CCDC12: variants seen among roughly 807,000 people sequenced by gnomAD.
CCDC12 encodes the protein coiled-coil domain-containing protein 12.
Under a neutral mutation model 25.7 loss-of-function variants are expected in CCDC12, and 28 were observed. The observed-to-expected ratio is 1.09, with a 90% CI of 0.81 to 1.50. CCDC12 has a LOEUF of 1.50. Among genes scored for constraint, CCDC12 ranks in the 40% most tolerant of loss-of-function variants. CCDC12 has a pLI of 0.00. For synonymous variants in CCDC12, 75 were observed against 87.7 expected, an observed-to-expected ratio of 0.86 and a Z score of 0.81; for missense variants, 198 against 210.0, an observed-to-expected ratio of 0.94 and a Z score of 0.35.
At chr3:46,962,845 C>G (rs2034504867) in intron 1 of CCDC12, among the ~76,000 whole-genome samples, 1 of 152,166 alleles carries the variant, frequency 6.6e-6, no homozygotes, top group Non-Finnish European at 1.5e-5. Flanking sequence ...TACGGCCTAG[C>G]AATTCCACTC....
intron 2 of CCDC12, 79 bp from the exon 3 acceptor site, chr3:46,925,614 AG>A: frequency 1.7e-6 from 2 of 1,207,360 alleles, no homozygotes; most frequent in Non-Finnish European, 2.3e-6. Context: ...CAATTTGCAT[AG>A]CCCGTGAATT....
At chr3:46,976,829 A>G, upstream of CCDC12, 2 of 1,525,506 alleles carry the variant, frequency 1.3e-6, no homozygotes, top group Non-Finnish European at 1.8e-6. Context: ...GACGAGAATG[A>G]GAGACTGGGA....
At chr3:46,954,472 A>T (rs1355806638) in intron 1 of CCDC12, among the ~76,000 whole-genome samples, 3 of 152,188 alleles carry the variant, frequency 2.0e-5, no homozygotes, top group Non-Finnish European at 4.4e-5. Context: ...TCAATTCTGG[A>T]TCCCCTAAAA....
At chr3:46,973,714 G>A (rs1575567275) in intron 1 of CCDC12, among the ~76,000 whole-genome samples, 1 of 148,274 alleles carries the variant, frequency 6.7e-6, no homozygotes, top group Non-Finnish European at 1.5e-5. Flanking sequence ...CCAGGTTCAC[G>A]TCATTCTCCT....
At chr3:46,973,463 C>T (rs546474012) in intron 1 of CCDC12, among the ~76,000 whole-genome samples, 18 of 150,476 alleles carry the variant, frequency 1.2e-4, no homozygotes, top group African/African-American at 4.4e-4. Context: ...CCATTGCATT[C>T]CAGCCTGGGC....
chr3:46,929,047 A>G (rs2033098123), intron 2 of CCDC12, among the ~76,000 whole-genome samples: 1 of 152,252 alleles, frequency 6.6e-6, no homozygotes, highest in Non-Finnish European at 1.5e-5. Flanking sequence ...TAAAAGAGTA[A>G]TAACAACTTA....
Position 46,922,038 on chromosome 3 carries a change from TGGTGGGGCAGGGCATG to T in CCDC12, c.*3_*18del. On this transcript the variant is annotated 3_prime_UTR_variant, in exon 7 of 7. Coordinates refer to ENST00000683445, the MANE Select transcript of CCDC12 (RefSeq NM_001277074.2). The stretch of plus-strand genomic sequence containing the variant: ...CTGCAGGACAGGCCTGATGGGCGAG[TGGTGGGGCAGGGCATG>T]CCTCAGTCGGAGTCACAGGTCTTTT... 6.2e-7 allele frequency: 1 copy of T among 1,612,626 alleles called. No individual in the cohort carries two copies. Among genetic ancestry groups the T allele is most frequent in the Non-Finnish European group, 8.5e-7 (1 of 1,179,582 alleles).
At chr3:46,972,129 AAC>A (rs1216384700) in intron 1 of CCDC12, among the ~76,000 whole-genome samples, 2 of 152,168 alleles carry the variant, frequency 1.3e-5, no homozygotes, top group African/African-American at 4.8e-5. Context: ...CAAAATCAAA[AAC>A]AGATAAATTG....
chr3:46,922,167 G>T (rs1215142001), intron 6 of CCDC12, 28 bp from the exon 7 acceptor site: 1 of 1,614,152 alleles, frequency 6.2e-7, no homozygotes, highest in Non-Finnish European at 8.5e-7. Flanking sequence ...CAGAAGGGGT[G>T]GGGAGGGGCC....
intron 1 of CCDC12, among the ~76,000 whole-genome samples, chr3:46,974,220 G>A (rs1466546260): frequency 6.6e-6 from 1 of 152,164 alleles, no homozygotes; most frequent in Non-Finnish European, 1.5e-5. Context: ...TGTTTAACGG[G>A]TACAGAGTTT....
At chr3:46,951,831 A>T (rs1458785997) in intron 1 of CCDC12, among the ~76,000 whole-genome samples, 7 of 114,350 alleles carry the variant, frequency 6.1e-5, no homozygotes, top group African/African-American at 2.3e-4. Context: ...ATACTTAATG[A>T]GGATCAAATT....
intron 2 of CCDC12, among the ~76,000 whole-genome samples, chr3:46,934,247 C>T (rs1194985057): frequency 6.6e-6 from 1 of 152,254 alleles, no homozygotes; most frequent in Non-Finnish European, 1.5e-5. Context: ...GCCCCTCACC[C>T]TCCCAGGGCC....
intron 1 of CCDC12, among the ~76,000 whole-genome samples, chr3:46,957,306 C>T (rs1392011381): frequency 2.6e-5 from 4 of 152,114 alleles, no homozygotes; most frequent in Non-Finnish European, 4.4e-5. Flanking sequence ...ATCTAGTACT[C>T]GAAGGCAGTA....
At position 46,957,996 on chromosome 3, in the gene CCDC12, C is replaced by CACACATAT. The variant is rs113627328; in HGVS notation, c.97-16932_97-16931insATATGTGT. On this transcript the variant is annotated intron_variant, in intron 1 of 6. Coordinates refer to ENST00000683445, the MANE Select transcript of CCDC12 (RefSeq NM_001277074.2). ...ACACACACACACACACACACACACA[C>CACACATAT]ATATATATGTAAAGCTAATAGAACC... Among the ~76,000 whole-genome samples the CACACATAT allele has an allele frequency of 1.8e-4, 25 of 142,680 alleles. 1 individual carries two copies. Among genetic ancestry groups the CACACATAT allele is most frequent in the East Asian group, 6.3e-4 (3 of 4,782 alleles). The allele number at this position is 142,680 out of a possible 152,430, so 93.6% of individuals were successfully genotyped here.
chr3:46,963,499 A>G (rs1270554444), intron 1 of CCDC12, among the ~76,000 whole-genome samples: 2 of 151,952 alleles, frequency 1.3e-5, no homozygotes, highest in Non-Finnish European at 2.9e-5. Context: ...TCTCCCTCTG[A>G]TGCCCAGCCG....
At chr3:46,959,193 A>G (rs2034390616) in intron 1 of CCDC12, among the ~76,000 whole-genome samples, 1 of 76,814 alleles carries the variant, frequency 1.3e-5, no homozygotes, top group African/African-American at 4.0e-5. Flanking sequence ...ACCTACACAC[A>G]CTTCCTTTAG....
At chr3:46,924,778 T>C (rs1294044078) in intron 3 of CCDC12, 10 of 153,334 alleles carry the variant, frequency 6.5e-5, no homozygotes, top group African/African-American at 1.9e-4. Flanking sequence ...ATTATGCCAC[T>C]GCACTCCAGC....
At chr3:46,977,954 T>C (rs996870953), upstream of CCDC12, among the ~76,000 whole-genome samples, 2 of 152,242 alleles carry the variant, frequency 1.3e-5, no homozygotes, top group African/African-American at 4.8e-5. Flanking sequence ...CAAGATATTC[T>C]TTCAGTATGT....
rs2032804961 is a variant in CCDC12 at position 46,923,683 on chromosome 3, T to C, written c.245-15A>G. On this transcript the variant is annotated splice_polypyrimidine_tract_variant and intron_variant, in intron 3 of 6. Transcript: ENST00000683445. ...CTTCTCCTCCACTAGAGGGTGCAAT[T>C]AAACAGAGAAGGCCTGTGGAAAACG... is the stretch of plus-strand genomic sequence containing the variant. 1 of 1,515,848 alleles carries C rather than the reference T, an allele frequency of 6.6e-7. No homozygotes were observed. The highest frequency in any genetic ancestry group is 2.1e-5 in the Admixed American group (1 of 47,492). 93.9% of individuals were successfully genotyped at this position (1,515,848 alleles called of 1,614,324 possible).
Sources: gnomAD v4.1 joint callset for allele counts (sites outside exome capture counted in the v4.1 genomes callset) on GRCh38, gnomAD v4.1.1 for gene constraint, MANE v1.5 for transcripts, NCBI Gene and HGNC (gene_info 2026-07-23, HGNC 2026-07-21) for gene names.